Variants in SPMAP2L observed in about 807,000 individuals in gnomAD.
SPMAP2L encodes sperm microtubule associated protein 2 like, also known as sperm microtubule associated protein 2-like.
At chr4:56,578,365 A>G in the SPMAP2L span, among the ~76,000 whole-genome samples, 25,764 of 152,084 alleles carry the variant, frequency 0.17, 3,027 homozygotes, top group African/African-American at 0.33. Flanking sequence ...AAAATAAATA[A>G]CAAGGAAATT....
At chr4:56,542,358 G>A in the SPMAP2L span, among the ~76,000 whole-genome samples, 10 of 152,002 alleles carry the variant, frequency 6.6e-5, no homozygotes, top group African/African-American at 1.2e-4. Context: ...AAACCACTGC[G>A]TTGAGAGAGA....
chr4:56,574,553 G>A, the SPMAP2L span, among the ~76,000 whole-genome samples: 1 of 152,092 alleles, frequency 6.6e-6, no homozygotes, highest in African/African-American at 2.4e-5. Context: ...CAGTTATCTA[G>A]CAAAGTATCA....
chr4:56,620,296 C>A, the SPMAP2L span, among the ~76,000 whole-genome samples: 16 of 152,072 alleles, frequency 1.1e-4, no homozygotes, highest in East Asian at 7.7e-4. Flanking sequence ...AAGAAAACCC[C>A]AAGCTTATGT....
the SPMAP2L span, among the ~76,000 whole-genome samples, chr4:56,602,072 T>C: frequency 1.3e-5 from 2 of 152,208 alleles, no homozygotes; most frequent in African/African-American, 4.8e-5. Context: ...TTTTGCATCA[T>C]GTACGTGTAT....
At chr4:56,625,540 G>A in the SPMAP2L span, among the ~76,000 whole-genome samples, 4 of 152,088 alleles carry the variant, frequency 2.6e-5, no homozygotes, top group African/African-American at 9.7e-5. Context: ...TCCAGGGGGA[G>A]GTAATTGAAT....
the SPMAP2L span, chr4:56,594,263 C>T: frequency 3.2e-5 from 50 of 1,577,564 alleles, no homozygotes; most frequent in African/African-American, 9.4e-5. Context: ...AAATATTGTC[C>T]GGTATATGAA....
At chr4:56,551,507 G>A in the SPMAP2L span, among the ~76,000 whole-genome samples, 1 of 152,074 alleles carries the variant, frequency 6.6e-6, no homozygotes, top group Admixed American at 6.6e-5. Flanking sequence ...TTCAATTCGG[G>A]GGTGTCAGGG....
the SPMAP2L span, chr4:56,600,815 C>T: frequency 7.6e-5 from 77 of 1,016,868 alleles, 2 homozygotes; most frequent in Middle Eastern, 1.7e-3. Context: ...AGACCAGTTA[C>T]GAGTCTGTTG....
the SPMAP2L span, among the ~76,000 whole-genome samples, chr4:56,567,309 C>T: frequency 4.6e-5 from 7 of 151,798 alleles, no homozygotes; most frequent in Non-Finnish European, 8.8e-5. Flanking sequence ...CCATGTCACC[C>T]AGGCTGGAGT....
At chr4:56,597,284 A>C in the SPMAP2L span, among the ~76,000 whole-genome samples, 1 of 152,118 alleles carries the variant, frequency 6.6e-6, no homozygotes, top group Admixed American at 6.5e-5. Context: ...AATTCTGGAG[A>C]TAGCCGCCCT....
chr4:56,548,764 T>C, the SPMAP2L span: 8 of 1,462,486 alleles, frequency 5.5e-6, no homozygotes, highest in Non-Finnish European at 7.2e-6. Flanking sequence ...AATCTAATTT[T>C]TGCTTTTACT....
At chr4:56,593,072 T>G in the SPMAP2L span, 3 of 1,583,466 alleles carry the variant, frequency 1.9e-6, no homozygotes, top group Non-Finnish European at 2.6e-6. Context: ...CATGGGCTAT[T>G]GTAACTGCTC....
chr4:56,616,186 G>A, the SPMAP2L span, among the ~76,000 whole-genome samples: 167 of 152,234 alleles, frequency 1.1e-3, no homozygotes, highest in Non-Finnish European at 1.8e-3. Context: ...TCAAGGTGTC[G>A]GTGGGGTTGT....
chr4:56,542,576 T>G, the SPMAP2L span, among the ~76,000 whole-genome samples: 1 of 152,102 alleles, frequency 6.6e-6, no homozygotes, highest in Middle Eastern at 3.2e-3. Flanking sequence ...CCTTGTCCTC[T>G]CTCCCTTTTA....
chr4:56,548,793 A>C, the SPMAP2L span: 1 of 1,491,418 alleles, frequency 6.7e-7, no homozygotes, highest in Non-Finnish European at 8.9e-7. Flanking sequence ...CTTTTAGCAA[A>C]TCCTGTTTCC....
At chr4:56,595,832 G>T in the SPMAP2L span, among the ~76,000 whole-genome samples, 27 of 152,166 alleles carry the variant, frequency 1.8e-4, no homozygotes, top group Admixed American at 1.8e-3. Context: ...TTTATATACT[G>T]TGTATATCTC....
At chr4:56,595,764 C>T in the SPMAP2L span, 1 of 825,324 alleles carries the variant, frequency 1.2e-6, no homozygotes, top group Non-Finnish European at 2.2e-6. Flanking sequence ...GTGCCTCTCC[C>T]CAGAGCATTT....
At chr4:56,620,883 G>T in the SPMAP2L span, among the ~76,000 whole-genome samples, 54 of 152,322 alleles carry the variant, frequency 3.5e-4, 1 homozygote, top group African/African-American at 1.3e-3. Context: ...TGCCCCTTCA[G>T]TTAGCAAACT....
At chr4:56,574,705 C>A in the SPMAP2L span, among the ~76,000 whole-genome samples, 1 of 152,078 alleles carries the variant, frequency 6.6e-6, no homozygotes, top group Non-Finnish European at 1.5e-5. Flanking sequence ...AATTGCCAGG[C>A]ATGGTGGCTC....
Sources: allele counts gnomAD v4.1 joint callset (sites outside exome capture counted in the v4.1 genomes callset), GRCh38; gene constraint gnomAD v4.1.1; transcripts MANE v1.5; gene names NCBI Gene and HGNC (gene_info 2026-07-23, HGNC 2026-07-21).